Variants in WWOX observed in about 807,000 individuals in gnomAD.
WWOX encodes WW domain containing oxidoreductase.
In WWOX, 69 loss-of-function variants were observed where a neutral mutation model predicts 46.2. The observed-to-expected ratio is 1.49, with a 90% CI of 1.23 to 1.82. WWOX has a LOEUF of 1.82. WWOX is among the 40% of genes most tolerant of loss of function. The probability of loss-of-function intolerance (pLI) is 0.00; values close to 1 mark genes in which losing one functional copy is unlikely to be tolerated. For missense variants in WWOX, 919 were observed against 542.6 expected (o/e 1.69, Z -6.89); for synonymous variants, 359 against 202.6 (o/e 1.77, Z -6.56).
In WWOX at chr16:78,389,713, A is replaced by T. The variant is rs113082469; in HGVS notation, c.605+2765A>T. 9.5e-3 allele frequency among the ~76,000 whole-genome samples: 1,444 copies of T among 152,154 alleles called. 20 individuals are homozygous for T. Among genetic ancestry groups the T allele is most frequent in the African/African-American group, 0.032 (1,320 of 41,508 alleles). On this transcript the variant is annotated intron_variant, in intron 6 of 8. Coordinates refer to ENST00000566780, the MANE Select transcript of WWOX (RefSeq NM_016373.4). The stretch of plus-strand genomic sequence containing the variant: ...CCGATTTAGCCTCTTCACGGCTCCA[A>T]CTTGACCACCGTACTATACTGTGTT...
chr16:78,777,645 C>T (rs1351442618), intron 8 of WWOX, among the ~76,000 whole-genome samples: 1 of 152,206 alleles, frequency 6.6e-6, no homozygotes, highest in Non-Finnish European at 1.5e-5. Flanking sequence ...TCAAAAAAGA[C>T]CTCAGGGCAG....
rs2045441186 is a variant in WWOX, at chr16:78,923,998, GT to G, written c.1057-287609del. Among the ~76,000 whole-genome samples, 5 of 151,848 alleles carry G rather than the reference GT, an allele frequency of 3.3e-5. No individual in the cohort carries two copies. The South Asian group carries it at 1.0e-3, about 32-fold the overall frequency. On this transcript the variant is annotated intron_variant, in intron 8 of 8. Transcript: ENST00000566780. ...GTTTTATTTTGTTTTGTTTTTTTTA[GT>G]AGAGACGGGGTTTCACCGTGTTAGC...
chr16:78,208,009 C>T (rs766342476), intron 5 of WWOX, among the ~76,000 whole-genome samples: 4 of 152,044 alleles, frequency 2.6e-5, no homozygotes, highest in Admixed American at 1.3e-4. Flanking sequence ...GACAGGGTTT[C>T]GCCATGTTGG....
intron 8 of WWOX, among the ~76,000 whole-genome samples, chr16:78,923,333 C>A (rs965648300): frequency 1.3e-5 from 2 of 152,054 alleles, no homozygotes; most frequent in African/African-American, 4.8e-5. Context: ...CTTAATTTCA[C>A]CAGAATATCA....
rs1597487935 is a variant in WWOX at position 79,211,460 on chromosome 16, T to C, written c.1057-148T>C. 1.5e-5 allele frequency: 15 copies of C among 979,274 alleles called. No homozygotes were observed. In the East Asian group the frequency reaches 3.9e-4, roughly 25 times the overall value. 60.7% of individuals were successfully genotyped at this position (979,274 alleles called of 1,614,324 possible). A position where few individuals can be genotyped will look rare whatever the true frequency, so the allele number is the denominator to read the frequency against. On this transcript the variant is annotated intron_variant, in intron 8 of 8. Coordinates refer to ENST00000566780, the MANE Select transcript of WWOX (RefSeq NM_016373.4). ...CATTATACTTTTTACAGTCATGTGCTTTCAGCCCAGTACCCTTTGCTATGC... is the reference window on the plus strand; with the variant it reads ...CATTATACTTTTTACAGTCATGTGCCTTCAGCCCAGTACCCTTTGCTATGC...
At chr16:78,300,308 G>A (rs1265687719) in intron 5 of WWOX, among the ~76,000 whole-genome samples, 3 of 152,142 alleles carry the variant, frequency 2.0e-5, no homozygotes, top group Admixed American at 6.5e-5. Context: ...ATTGTCATCC[G>A]TATCTGAAGA....
intron 8 of WWOX, among the ~76,000 whole-genome samples, chr16:78,875,699 A>G (rs143270443): frequency 6.6e-6 from 1 of 152,230 alleles, no homozygotes; most frequent in East Asian, 1.9e-4. Context: ...TGGTTTTTCT[A>G]AGCCACAGTG....
chr16:78,865,959 A>G (rs921871400), intron 8 of WWOX, among the ~76,000 whole-genome samples: 1 of 152,206 alleles, frequency 6.6e-6, no homozygotes, highest in East Asian at 1.9e-4. Flanking sequence ...TTTTAACAAT[A>G]ATGGTTTTTA....
At chr16:78,610,870 C>T (rs972109815) in intron 8 of WWOX, among the ~76,000 whole-genome samples, 17 of 151,962 alleles carry the variant, frequency 1.1e-4, no homozygotes, top group African/African-American at 3.4e-4. Context: ...AGTAGAACAA[C>T]GTATTCTTGC....
chr16:78,911,441 A>G (rs1483914238), intron 8 of WWOX, among the ~76,000 whole-genome samples: 1 of 152,024 alleles, frequency 6.6e-6, no homozygotes, highest in East Asian at 1.9e-4. Context: ...TTGTGGAGAC[A>G]TTAAAGTGCT....
chr16:78,176,188 G>GCT (rs2035338780), intron 5 of WWOX, among the ~76,000 whole-genome samples: 1 of 152,130 alleles, frequency 6.6e-6, no homozygotes, highest in African/African-American at 2.4e-5. Flanking sequence ...ATTCTCATCA[G>GCT]AACCCAGCTA....
chr16:79,124,683 G>T (rs73580907), intron 8 of WWOX, among the ~76,000 whole-genome samples: 1 of 152,170 alleles, frequency 6.6e-6, no homozygotes, highest in African/African-American at 2.4e-5. Context: ...AGGGTGATGG[G>T]TTGGGCTTAT....
At chr16:78,636,838 G>A (rs192052230) in intron 8 of WWOX, among the ~76,000 whole-genome samples, 1 of 152,122 alleles carries the variant, frequency 6.6e-6, no homozygotes, top group Non-Finnish European at 1.5e-5. Flanking sequence ...CTTCAGATAC[G>A]CTCTTCATGG....
chr16:78,201,926 C>T (rs539564045), intron 5 of WWOX, among the ~76,000 whole-genome samples: 2 of 152,004 alleles, frequency 1.3e-5, no homozygotes, highest in Non-Finnish European at 2.9e-5. Flanking sequence ...GTCACGAACT[C>T]CTAAACTCAG....
chr16:78,998,121 C>T (rs554117138), intron 8 of WWOX, among the ~76,000 whole-genome samples: 64 of 152,312 alleles, frequency 4.2e-4, no homozygotes, highest in Middle Eastern at 3.4e-3. Context: ...GGTGATCCCG[C>T]CCGCCTCGGC....
At chr16:78,706,058 GTTTT>G (rs3051058) in intron 8 of WWOX, among the ~76,000 whole-genome samples, 3 of 106,428 alleles carry the variant, frequency 2.8e-5, no homozygotes, top group Non-Finnish European at 3.5e-5. Context: ...GTTATGGCAG[GTTTT>G]TTTTTTTTTT....
intron 5 of WWOX, among the ~76,000 whole-genome samples, chr16:78,241,840 C>T (rs928085257): frequency 1.3e-5 from 2 of 152,200 alleles, no homozygotes; most frequent in African/African-American, 2.4e-5. Context: ...GGTCACTGCT[C>T]CCCTTCTTGT....
chr16:78,802,729 A>G (rs2142661226), intron 8 of WWOX, among the ~76,000 whole-genome samples: 3 of 151,768 alleles, frequency 2.0e-5, no homozygotes, highest in Middle Eastern at 6.8e-3. Context: ...CAGCCTGGGC[A>G]ATATGGTGAA....
At chr16:78,201,318 A>G (rs928831424) in intron 5 of WWOX, among the ~76,000 whole-genome samples, 1 of 152,206 alleles carries the variant, frequency 6.6e-6, no homozygotes, top group Non-Finnish European at 1.5e-5. Flanking sequence ...CTAAGGTTGT[A>G]TTGAAAACTT....
Sources: allele counts gnomAD v4.1 joint callset (sites outside exome capture counted in the v4.1 genomes callset), GRCh38; gene constraint gnomAD v4.1.1; transcripts MANE v1.5; gene names NCBI Gene and HGNC (gene_info 2026-07-23, HGNC 2026-07-21).